NRG1: variants seen among roughly 807,000 people sequenced by gnomAD.
NRG1 encodes neuregulin 1.
NRG1 carries 18 observed loss-of-function variants against 63.8 expected under a neutral mutation model. That is an observed-to-expected ratio of 0.28 (90% CI 0.19 to 0.42). The LOEUF is 0.42. Among genes scored for constraint, NRG1 ranks in the 10% least tolerant of loss-of-function variants. The pLI, the probability that NRG1 is intolerant of heterozygous loss-of-function variation, is 1.00. For synonymous variants in NRG1, 302 were observed against 301.3 expected, an observed-to-expected ratio of 1.00 and a Z score of -0.02; for missense variants, 762 against 814.7, an observed-to-expected ratio of 0.94 and a Z score of 0.79.
intron 1 of NRG1, among the ~76,000 whole-genome samples, chr8:32,489,798 G>T (rs115718602): frequency 6.6e-6 from 1 of 152,050 alleles, no homozygotes; most frequent in Non-Finnish European, 1.5e-5. Context: ...TGTCATCACC[G>T]CCACTTTAAT....
intron 1 of NRG1, among the ~76,000 whole-genome samples, chr8:32,101,906 G>A (rs1332331682): frequency 3.3e-5 from 5 of 152,150 alleles, no homozygotes; most frequent in Non-Finnish European, 7.3e-5. Flanking sequence ...TCTTGTGATG[G>A]AAAGCAGGTG....
chr8:32,357,922 A>G (rs1423199829), intron 1 of NRG1, among the ~76,000 whole-genome samples: 1 of 152,126 alleles, frequency 6.6e-6, no homozygotes, highest in Non-Finnish European at 1.5e-5. Flanking sequence ...CCAGCATAAC[A>G]TTTTCCCAAT....
intron 1 of NRG1, among the ~76,000 whole-genome samples, chr8:32,054,221 C>T (rs755679675): frequency 8.5e-5 from 13 of 152,114 alleles, no homozygotes; most frequent in African/African-American, 9.7e-5. Flanking sequence ...GGAACTCTCA[C>T]GGCATAACTC....
intron 1 of NRG1, among the ~76,000 whole-genome samples, chr8:32,477,584 GT>G (rs1350180787): frequency 1.3e-5 from 2 of 152,104 alleles, no homozygotes; most frequent in African/African-American, 4.8e-5. Context: ...TAAATATGTT[GT>G]TTTAAAAATA....
At chr8:32,523,604 C>T (rs1384729676) in intron 1 of NRG1, among the ~76,000 whole-genome samples, 2 of 152,220 alleles carry the variant, frequency 1.3e-5, no homozygotes, top group Admixed American at 6.6e-5. Flanking sequence ...GTAGTTGACA[C>T]TTTATGAGGC....
intron 1 of NRG1, among the ~76,000 whole-genome samples, chr8:31,819,538 A>T (rs1823801442): frequency 6.6e-6 from 1 of 152,190 alleles, no homozygotes; most frequent in Admixed American, 6.5e-5. Flanking sequence ...CTCTTTTCCC[A>T]AACTTTTACA....
chr8:32,040,748 C>A (rs1488336632), intron 1 of NRG1, among the ~76,000 whole-genome samples: 2 of 3,406 alleles, frequency 5.9e-4, no homozygotes, highest in Non-Finnish European at 1.4e-3. Flanking sequence ...GAAATTTAGG[C>A]GCATATATAT....
At chr8:32,756,262 A>G (rs1216833056) in intron 8 of NRG1, 141 bp from the exon 9 acceptor site, 10 of 829,422 alleles carry the variant, frequency 1.2e-5, no homozygotes, top group South Asian at 2.2e-5. Flanking sequence ...TCTGGGATAC[A>G]GTGGACATAC....
chr8:32,235,779 G>A (rs993200783), intron 1 of NRG1, among the ~76,000 whole-genome samples: 1 of 152,126 alleles, frequency 6.6e-6, no homozygotes, highest in African/African-American at 2.4e-5. Context: ...TTGGTTCTAG[G>A]AGTTTGGCTC....
At chr8:32,685,381 G>A (rs1809826972) in intron 5 of NRG1, among the ~76,000 whole-genome samples, 1 of 152,104 alleles carries the variant, frequency 6.6e-6, no homozygotes, top group African/African-American at 2.4e-5. Context: ...ATGAAAGTGA[G>A]GGAACTCCTC....
At chr8:32,745,220 C>T (rs967557323) in intron 7 of NRG1, among the ~76,000 whole-genome samples, 3 of 152,118 alleles carry the variant, frequency 2.0e-5, no homozygotes, top group Non-Finnish European at 4.4e-5. Flanking sequence ...TAGAGAATGT[C>T]ACCATAGTGA....
chr8:32,735,254 T>C (rs1019077955), intron 6 of NRG1, among the ~76,000 whole-genome samples: 3 of 152,166 alleles, frequency 2.0e-5, no homozygotes, highest in Non-Finnish European at 4.4e-5. Flanking sequence ...GAATAGTAGA[T>C]TTTTTTATAA....
intron 1 of NRG1, among the ~76,000 whole-genome samples, chr8:32,108,250 G>A (rs1003625605): frequency 2.0e-5 from 3 of 152,116 alleles, no homozygotes; most frequent in Non-Finnish European, 2.9e-5. Flanking sequence ...CATTTGTGCT[G>A]CTATAACAAA....
intron 1 of NRG1, among the ~76,000 whole-genome samples, chr8:32,167,115 A>G (rs1839484278): frequency 6.6e-6 from 1 of 152,176 alleles, no homozygotes; most frequent in South Asian, 2.1e-4. Context: ...GTCTTTAATC[A>G]GTGGTGTTAT....
At chr8:32,188,128 G>A (rs1435250021) in intron 1 of NRG1, among the ~76,000 whole-genome samples, 3 of 151,376 alleles carry the variant, frequency 2.0e-5, no homozygotes, top group African/African-American at 7.3e-5. Context: ...GTGCAATGGT[G>A]TGCTCTTGGC....
At chr8:32,542,381 C>T (rs1832660722) in intron 1 of NRG1, among the ~76,000 whole-genome samples, 1 of 152,014 alleles carries the variant, frequency 6.6e-6, no homozygotes, top group South Asian at 2.1e-4. Flanking sequence ...CTGAATAAAC[C>T]TAAGTACACA....
chr8:32,699,473 A>G (rs1020732930), intron 5 of NRG1, among the ~76,000 whole-genome samples: 2 of 152,220 alleles, frequency 1.3e-5, no homozygotes, highest in African/African-American at 4.8e-5. Context: ...AGAAAAGTCA[A>G]TAGAGAACGT....
chr8:32,539,735 G>A (rs1438036197), intron 1 of NRG1, among the ~76,000 whole-genome samples: 1 of 151,784 alleles, frequency 6.6e-6, no homozygotes, highest in Non-Finnish European at 1.5e-5. Context: ...ATGTAGTTAA[G>A]AAGAAAACAG....
At chr8:32,522,030 C>G (rs752277926) in intron 1 of NRG1, among the ~76,000 whole-genome samples, 70 of 152,306 alleles carry the variant, frequency 4.6e-4, no homozygotes, top group Middle Eastern at 3.4e-3. Flanking sequence ...TGATACTCTA[C>G]AAGCTCGGCT....
Sources: gnomAD v4.1 joint callset for allele counts (sites outside exome capture counted in the v4.1 genomes callset) on GRCh38, gnomAD v4.1.1 for gene constraint, MANE v1.5 for transcripts, NCBI Gene and HGNC (gene_info 2026-07-23, HGNC 2026-07-21) for gene names.